EVI5L: variants seen among roughly 807,000 people sequenced by gnomAD.
EVI5L encodes the protein ecotropic viral integration site 5 like.
Under a neutral mutation model 106.1 loss-of-function variants are expected in EVI5L, and 30 were observed. The ratio of observed to expected loss-of-function variants is 0.28; its 90% CI spans 0.21 to 0.38. The LOEUF (loss-of-function observed/expected upper bound fraction) is 0.38. EVI5L is among the 10% of genes least tolerant of loss of function. The pLI, the probability that EVI5L is intolerant of heterozygous loss-of-function variation, is 1.00. For missense variants in EVI5L, 809 were observed against 1,098.0 expected (o/e 0.74, Z 3.72); for synonymous variants, 489 against 483.3 (o/e 1.01, Z -0.15).
rs542575581 is a variant in EVI5L, at chr19:7,849,600, T to TG, written c.627+272dup. ...GTCTCTCTCTGCCACATCTCAGGGT[T>TG]GGACAGGAACCTCAGGCTGGGGACT... On this transcript the variant is annotated intron_variant, in intron 5 of 19. Coordinates refer to ENST00000538904, the MANE Select transcript of EVI5L (RefSeq NM_001159944.3). Among the ~76,000 whole-genome samples, 537 of 152,304 alleles carry TG rather than the reference T, an allele frequency of 3.5e-3. 4 individuals carry two copies. The highest frequency in any genetic ancestry group is 2.1e-3 in the Non-Finnish European group (146 of 68,010).
intron 1 of EVI5L, among the ~76,000 whole-genome samples, chr19:7,833,954 T>C (rs541260830): frequency 6.6e-6 from 1 of 152,318 alleles, no homozygotes; most frequent in East Asian, 1.9e-4. Flanking sequence ...GGGAAGAGAC[T>C]TACCCTTTTG....
chr19:7,853,949 G>A (rs916377991), intron 10 of EVI5L, among the ~76,000 whole-genome samples: 1 of 152,168 alleles, frequency 6.6e-6, no homozygotes, highest in African/African-American at 2.4e-5. Flanking sequence ...CCTTCCTTGC[G>A]CATTCTTCCC....
intron 17 of EVI5L, 21 bp downstream of exon 17, chr19:7,862,555 G>T: frequency 7.1e-7 from 1 of 1,404,358 alleles, no homozygotes; most frequent in Non-Finnish European, 9.3e-7. Flanking sequence ...CCGCGGCCCC[G>T]CCCTGCCCGT....
rs1287927683 is a variant in EVI5L, at chr19:7,862,405, C to T, written c.1818C>T (p.Asn606=). 7 of 1,607,870 alleles carry T rather than the reference C, an allele frequency of 4.4e-6. No homozygotes were observed. The highest frequency in any genetic ancestry group is 2.2e-5 in the South Asian group (2 of 90,524). ...ELETQDHIHR[N]LLNRVEAERA... ...TATCCCAGGACCACATCCACCGCAA[C>T]CTTCTGAACCGCGTGGAGGCGGAGC... Residue 606 remains asparagine, a synonymous_variant, in exon 17 of 20, where the codon AAC becomes AAT. Coordinates refer to ENST00000538904, the MANE Select transcript of EVI5L (RefSeq NM_001159944.3).
rs1237546107 is a variant in EVI5L, at chr19:7,857,492, GCACACACACA to G, written c.1233+372_1233+381del. On this transcript the variant is annotated intron_variant, in intron 12 of 19. Coordinates refer to ENST00000538904, the MANE Select transcript of EVI5L (RefSeq NM_001159944.3). The surrounding 1 kb of genome is among the most constrained non-coding windows in gnomAD (Gnocchi z 4.5). ...GCGGTCACACACACACACAACACATGCACACACACACACGCACACACACGCCCGGCCCTCA... is the reference window on the plus strand; with the variant it reads ...GCGGTCACACACACACACAACACATGCACGCACACACACGCCCGGCCCTCA... The G allele has an allele frequency of 4.7e-6, 2 of 421,216 alleles. No individual in the cohort carries two copies. Among genetic ancestry groups the G allele is most frequent in the Non-Finnish European group, 4.4e-6 (1 of 226,454 alleles). 26.1% of individuals were successfully genotyped at this position (421,216 alleles called of 1,614,324 possible). A position where few individuals can be genotyped will look rare whatever the true frequency, so the allele number is the denominator to read the frequency against.
At chr19:7,849,221 G>C in intron 4 of EVI5L, 35 bp from the exon 5 acceptor site, 1 of 1,613,960 alleles carries the variant, frequency 6.2e-7, no homozygotes, top group Non-Finnish European at 8.5e-7. Flanking sequence ...GTGCTGGACG[G>C]CGGGACCCTG....
chr19:7,842,866 TGTATGTGTGAATGTGCATGG>T (rs1978706056), intron 1 of EVI5L, among the ~76,000 whole-genome samples: 1 of 151,106 alleles, frequency 6.6e-6, no homozygotes, highest in African/African-American at 2.4e-5. Context: ...TGTGTCCATG[TGTATGTGTGAATGTGCATGG>T]GTATGTGTGT....
rs919611372 is a variant in EVI5L, at chr19:7,863,953, C to T, written c.*251C>T. On this transcript the variant is annotated 3_prime_UTR_variant, in exon 20 of 20. Transcript: ENST00000538904. This position sits in a 1 kb window ranked among gnomAD's most constrained non-coding sequence, Gnocchi z 7.7. The stretch of plus-strand genomic sequence containing the variant: ...GTCTGTACCCCTCCGGGCCCTCTGG[C>T]GTTCCAGGGGTGCCTGGAGGGGCTG... 2.1e-6 allele frequency: 1 copy of T among 472,338 alleles called. No homozygotes were observed. Among genetic ancestry groups the T allele is most frequent in the Non-Finnish European group, 3.6e-6 (1 of 275,892 alleles). The allele number at this position is 472,338 out of a possible 1,614,324, so 29.3% of individuals were successfully genotyped here. A position where few individuals can be genotyped will look rare whatever the true frequency, so the allele number is the denominator to read the frequency against.
At chr19:7,844,242 G>T (rs904643410) in intron 1 of EVI5L, among the ~76,000 whole-genome samples, 1 of 150,214 alleles carries the variant, frequency 6.7e-6, no homozygotes, top group Non-Finnish European at 1.5e-5. Context: ...TCAAGCAGGA[G>T]AATCGCGTGA....
intron 14 of EVI5L, among the ~76,000 whole-genome samples, 188 bp from the exon 15 acceptor site, chr19:7,861,690 C>T (rs1979804451): frequency 6.6e-6 from 1 of 152,132 alleles, no homozygotes; most frequent in Non-Finnish European, 1.5e-5. Flanking sequence ...CATTTTATAG[C>T]TGAGGAACTC....
intron 1 of EVI5L, among the ~76,000 whole-genome samples, chr19:7,831,677 C>T (rs1020484491): frequency 2.0e-5 from 3 of 152,246 alleles, no homozygotes; most frequent in Non-Finnish European, 4.4e-5. Flanking sequence ...AACCACTGCC[C>T]GCCCCCTGAT....
At position 7,851,514 on chromosome 19, in the gene EVI5L, A is replaced by T. The variant is rs1247553928; in HGVS notation, c.834A>T (p.Thr278=). 6.2e-7 allele frequency: 1 copy of T among 1,612,624 alleles called. No homozygotes were observed. The highest frequency in any genetic ancestry group is 8.5e-7 in the Non-Finnish European group (1 of 1,179,484). The change falls in exon 7 of 20, where the codon ACA becomes ACT. Residue 278 remains threonine (T), a synonymous_variant. Transcript: ENST00000538904. ...TSMYASSWFL[T]LFLTTFPLPV... is the part of the protein sequence containing the mutation. ...TGTATGCCTCGTCCTGGTTCCTCAC[A>T]CTGTTCCTGACCACCTTCCCACTCC... is the stretch of plus-strand genomic sequence containing the variant.
chr19:7,852,951 G>C (rs1408063818), intron 8 of EVI5L, 135 bp from the exon 9 acceptor site: 1 of 764,246 alleles, frequency 1.3e-6, no homozygotes, highest in South Asian at 1.6e-5. Flanking sequence ...CAAACACTGA[G>C]GACACGGCGT....
intron 14 of EVI5L, 80 bp from the exon 15 acceptor site, chr19:7,861,798 G>A (rs752598941): frequency 2.1e-5 from 32 of 1,518,998 alleles, no homozygotes; most frequent in Non-Finnish European, 2.8e-5. Context: ...AGGAGGAAAC[G>A]TGGCTGGGGG....
rs73923920 is a variant in EVI5L, at chr19:7,856,705, C to G, written c.1201-387C>G. 0.084 allele frequency among the ~76,000 whole-genome samples: 12,772 copies of G among 152,152 alleles called. 549 individuals are homozygous for G. Among genetic ancestry groups the G allele is most frequent in the Middle Eastern group, 0.13 (39 of 292 alleles). ...CTTGTTCTGCCTTAAAATTACAACGCACCCCCTCCTCTCCCACTCTCCAGG... is the reference window on the plus strand; with the variant it reads ...CTTGTTCTGCCTTAAAATTACAACGGACCCCCTCCTCTCCCACTCTCCAGG... On this transcript the variant is annotated intron_variant, in intron 11 of 19. Transcript: ENST00000538904. The surrounding 1 kb of genome is among the most constrained non-coding windows in gnomAD (Gnocchi z 6.6).
chr19:7,851,480 A>G lies in EVI5L; in HGVS notation c.800A>G (p.His267Arg). Residue 267 changes from histidine (H) to arginine (R), a missense_variant, in exon 7 of 20, where the codon CAC becomes CGC. His to Arg is a conservative substitution (Grantham distance 29). Around this residue, in one of 2 missense-constraint regions of EVI5L, gnomAD observed 357 missense variants for 588.1 expected, o/e 0.61. Coordinates refer to ENST00000538904, the MANE Select transcript of EVI5L (RefSeq NM_001159944.3). ...ACCCACTTCCGTTCCCAAAGCTTCC[A>G]CACATCCATGTATGCCTCGTCCTGG... is the stretch of plus-strand genomic sequence containing the variant. ...LNTHFRSQSF[H>R]TSMYASSWFL... 1 of 1,612,928 alleles carries G rather than the reference A, an allele frequency of 6.2e-7. No homozygotes were observed. The highest frequency in any genetic ancestry group is 8.5e-7 in the Non-Finnish European group (1 of 1,179,516).
chr19:7,862,886 C>T, intron 17 of EVI5L, 86 bp from the exon 18 acceptor site: 2 of 987,174 alleles, frequency 2.0e-6, no homozygotes, highest in Non-Finnish European at 2.9e-6. Flanking sequence ...GCCCCGCCTC[C>T]TCATTCGCCC....
At position 7,849,156 on chromosome 19, in the gene EVI5L, G is replaced by A. The variant is rs894683051; in HGVS notation, c.552+11G>A. On this transcript the variant is annotated intron_variant, in intron 4 of 19. Transcript: ENST00000538904. ...TTCAACGTCATGAAGGTGAGGCCCA[G>A]GGCTCCCCGCTCCCTCGGTCCCAAA... The A allele has an allele frequency of 6.2e-7, 1 of 1,611,232 alleles. No homozygotes were observed. Among genetic ancestry groups the A allele is most frequent in the African/African-American group, 1.3e-5 (1 of 74,882 alleles).
chr19:7,858,104 G>A lies in EVI5L; in HGVS notation c.1234-87G>A, dbSNP rs1979619915. 4.7e-6 allele frequency: 7 copies of A among 1,476,892 alleles called. No individual in the cohort carries two copies. Among genetic ancestry groups the A allele is most frequent in the Middle Eastern group, 2.4e-4 (1 of 4,232 alleles). The allele number at this position is 1,476,892 out of a possible 1,614,324, so 91.5% of individuals were successfully genotyped here. ...TCACTTCCCCCCACCTCCACTCTCT[G>A]GGCCTCCCCCTGTGGCGGGAGGCAG... is the stretch of plus-strand genomic sequence containing the variant. On this transcript the variant is annotated intron_variant, in intron 12 of 19. Transcript: ENST00000538904. The surrounding 1 kb of genome is among the most constrained non-coding windows in gnomAD (Gnocchi z 5.7).
Sources: gnomAD v4.1 joint callset for allele counts (sites outside exome capture counted in the v4.1 genomes callset) on GRCh38, gnomAD v4.1.1 for gene constraint, gnomAD v4.1.1 regional missense constraint, Gnocchi (gnomAD v3.1) non-coding constraint, MANE v1.5 for transcripts, NCBI Gene and HGNC (gene_info 2026-07-23, HGNC 2026-07-21) for gene names.